The following OTC variants were observed in gnomAD, a reference collection of about 807,000 sequenced individuals.
OTC encodes the protein ornithine transcarbamylase.
Under a neutral mutation model 30.3 loss-of-function variants are expected in OTC, and 3 were observed. The ratio of observed to expected loss-of-function variants is 0.10; its 90% CI spans 0.05 to 0.26. The LOEUF is 0.26. Among genes scored for constraint, OTC ranks in the 10% least tolerant of loss-of-function variants. The pLI, the probability that OTC is intolerant of heterozygous loss-of-function variation, is 1.00. For missense variants in OTC, 194 were observed against 260.3 expected (o/e 0.75, Z 1.75); for synonymous variants, 111 against 99.7 (o/e 1.11, Z -0.67).
chrX:38,349,456 G>A (rs771146503), upstream of OTC, among the ~76,000 whole-genome samples: 11 of 112,483 alleles, frequency 9.8e-5, no homozygotes, highest in Non-Finnish European at 2.1e-4. Context: ...AGATTAATGT[G>A]GTTATCACAG....
intron 4 of OTC, among the ~76,000 whole-genome samples, chrX:38,385,425 G>T (rs1050767962): frequency 1.8e-5 from 2 of 112,115 alleles, no homozygotes; most frequent in African/African-American, 6.5e-5. Flanking sequence ...GCTAAAGCCG[G>T]GTTATTTGTT....
At chrX:38,389,806 G>A (rs1451700817) in intron 4 of OTC, among the ~76,000 whole-genome samples, 1 of 108,819 alleles carries the variant, frequency 9.2e-6, no homozygotes, top group Non-Finnish European at 1.9e-5. Flanking sequence ...ATGCTTCTGA[G>A]TCTCAGTTTC....
At chrX:38,344,232 T>C in the OTC span, among the ~76,000 whole-genome samples, 796 of 16,019 alleles carry the variant, frequency 0.05, 4 homozygotes, top group Middle Eastern at 0.12. Flanking sequence ...TTTGGTGATA[T>C]ATATATATAC....
intron 1 of OTC, among the ~76,000 whole-genome samples, chrX:38,362,633 C>G (rs2068277754): frequency 8.9e-6 from 1 of 112,329 alleles, no homozygotes; most frequent in African/African-American, 3.2e-5. Flanking sequence ...ACAGCAGCAT[C>G]TCACAATGCA....
intron 9 of OTC, among the ~76,000 whole-genome samples, chrX:38,415,315 G>A (rs1381630968): frequency 9.2e-6 from 1 of 108,720 alleles, no homozygotes; most frequent in African/African-American, 3.3e-5. Flanking sequence ...CTGACCTCAG[G>A]AGATCCACCT....
intron 1 of OTC, among the ~76,000 whole-genome samples, chrX:38,358,778 T>TG (rs926476463): frequency 1.8e-5 from 2 of 109,252 alleles, no homozygotes; most frequent in Non-Finnish European, 3.8e-5. Context: ...TCTGCCACCA[T>TG]GCCCAGCTAA....
upstream of OTC, among the ~76,000 whole-genome samples, chrX:38,348,822 G>C (rs896003258): frequency 9.0e-6 from 1 of 111,594 alleles, no homozygotes; most frequent in Non-Finnish European, 1.9e-5. Context: ...CACATTAGTA[G>C]CTTGAAATTG....
the OTC span, chrX:38,327,708 A>T: frequency 5.7e-6 from 2 of 348,008 alleles, no homozygotes; most frequent in Non-Finnish European, 9.8e-6. Flanking sequence ...CACGCCGCGC[A>T]GTGATGCTGT....
At chrX:38,332,537 A>T in the OTC span, among the ~76,000 whole-genome samples, 1 of 29,916 alleles carries the variant, frequency 3.3e-5, no homozygotes, top group East Asian at 1.0e-3. Flanking sequence ...TATATATCAT[A>T]TAACATAATA....
At chrX:38,332,504 T>TTTTATATATATATATATATA in the OTC span, among the ~76,000 whole-genome samples, 7 of 39,359 alleles carry the variant, frequency 1.8e-4, no homozygotes, top group Non-Finnish European at 3.3e-4. Context: ...GCCCTAGATT[T>TTTTATATATATATATATATA]TATATATATA....
chrX:38,358,685 G>T (rs191883626), intron 1 of OTC, among the ~76,000 whole-genome samples: 1 of 102,915 alleles, frequency 9.7e-6, no homozygotes, highest in East Asian at 3.0e-4. Flanking sequence ...GCAACGGCGC[G>T]ATCTCAGCTC....
intron 1 of OTC, among the ~76,000 whole-genome samples, chrX:38,362,698 A>G (rs1331922162): frequency 8.9e-6 from 1 of 111,824 alleles, no homozygotes; most frequent in Non-Finnish European, 1.9e-5. Flanking sequence ...TTTCACTTCC[A>G]ACTTAGAAAC....
At chrX:38,342,719 G>C in the OTC span, among the ~76,000 whole-genome samples, 3 of 111,673 alleles carry the variant, frequency 2.7e-5, no homozygotes, top group Non-Finnish European at 5.6e-5. Context: ...AATCAATAAT[G>C]GTGAATATGT....
intron 5 of OTC, among the ~76,000 whole-genome samples, chrX:38,402,933 G>A (rs1459881516): frequency 9.0e-6 from 1 of 111,035 alleles, no homozygotes; most frequent in Non-Finnish European, 1.9e-5. Flanking sequence ...TTGTGCCTCA[G>A]CCTCCGGAGT....
chrX:38,327,810 T>A, the OTC span, among the ~76,000 whole-genome samples: 1 of 112,915 alleles, frequency 8.9e-6, no homozygotes, highest in Non-Finnish European at 1.9e-5. Context: ...CTCCGTGACA[T>A]AAGCAAGCAT....
intron 1 of OTC, among the ~76,000 whole-genome samples, chrX:38,355,222 A>AT (rs2068234766): frequency 1.8e-5 from 2 of 110,712 alleles, no homozygotes; most frequent in African/African-American, 6.6e-5. Flanking sequence ...AGTCAGTTAA[A>AT]TTTTTTTTTA....
At chrX:38,333,600 C>G in the OTC span, among the ~76,000 whole-genome samples, 1 of 112,171 alleles carries the variant, frequency 8.9e-6, no homozygotes, top group Non-Finnish European at 1.9e-5. Context: ...GCAGTTGCCT[C>G]TATTAATTCA....
At chrX:38,349,496 G>A (rs1030511656), upstream of OTC, among the ~76,000 whole-genome samples, 5 of 112,426 alleles carry the variant, frequency 4.4e-5, no homozygotes, top group African/African-American at 1.6e-4. Flanking sequence ...AGAATAGGTT[G>A]TTATAAAAGC....
At chrX:38,342,512 A>G in the OTC span, among the ~76,000 whole-genome samples, 50,752 of 110,497 alleles carry the variant, frequency 0.46, 8,973 homozygotes, top group East Asian at 0.66. Context: ...ACTGTGCTAC[A>G]GTACTCTCTA....
Sources: allele counts gnomAD v4.1 joint callset (sites outside exome capture counted in the v4.1 genomes callset), GRCh38; gene constraint gnomAD v4.1.1; transcripts MANE v1.5; gene names NCBI Gene and HGNC (gene_info 2026-07-23, HGNC 2026-07-21).